ZNF385D: variants seen among roughly 807,000 people sequenced by gnomAD.
ZNF385D encodes zinc finger protein 385D.
In ZNF385D, 15 loss-of-function variants were observed where a neutral mutation model predicts 35.8. That is an observed-to-expected ratio of 0.42 (90% CI 0.28 to 0.64). The LOEUF is 0.64. Among genes scored for constraint, ZNF385D ranks in the 30% least tolerant of loss-of-function variants. The pLI is 0.23. For missense variants in ZNF385D, 474 were observed against 494.6 expected (o/e 0.96, Z 0.39); for synonymous variants, 212 against 186.8 (o/e 1.13, Z -1.10).
Position 21,416,731 on chromosome 3 carries a change from T to A in ZNF385D, c.*4483A>T, listed in dbSNP as rs576407606. 6.6e-6 allele frequency: 1 copy of A among 152,296 alleles called. No individual in the cohort carries two copies. Among genetic ancestry groups the A allele is most frequent in the South Asian group, 2.1e-4 (1 of 4,832 alleles). 9.4% of individuals were successfully genotyped at this position (152,296 alleles called of 1,614,324 possible). ...CAATGACAAGAGCGCATAACTGATA[T>A]ACTTGTCTGTGGAAGAGATGGTCTT... On this transcript the variant is annotated 3_prime_UTR_variant, in exon 8 of 8. Coordinates refer to ENST00000281523, the MANE Select transcript of ZNF385D (RefSeq NM_024697.3).
chr3:21,818,442 T>C (rs916722474), intron 3 of ZNF385D, among the ~76,000 whole-genome samples: 2 of 152,166 alleles, frequency 1.3e-5, no homozygotes, highest in Non-Finnish European at 2.9e-5. Context: ...TGTGGGGAAA[T>C]CTGAACACTA....
chr3:22,115,897 A>G lies in ZNF385D; in HGVS notation c.325+52920T>C, dbSNP rs548403626. ...ATCTTTGCAATTTTTGATCTTGTCA[A>G]TACTTTAAAGCGAGCTGATGCCTAT... is the stretch of plus-strand genomic sequence containing the variant. On this transcript the variant is annotated intron_variant, in intron 3 of 5. Transcript: ENST00000494108. 6.6e-4 allele frequency among the ~76,000 whole-genome samples: 101 copies of G among 152,176 alleles called. 2 individuals are homozygous for G. The South Asian group carries it at 0.02, about 30-fold the overall frequency.
At chr3:22,250,393 A>G (rs981090941) in intron 2 of ZNF385D, among the ~76,000 whole-genome samples, 7 of 152,058 alleles carry the variant, frequency 4.6e-5, no homozygotes, top group Admixed American at 3.9e-4. Context: ...ATTTCTGCTT[A>G]TCAACCTCCC....
chr3:22,139,502 A>T (rs1704360903), intron 3 of ZNF385D, among the ~76,000 whole-genome samples: 2 of 152,042 alleles, frequency 1.3e-5, no homozygotes, highest in South Asian at 4.1e-4. Context: ...ATTCTCAGCA[A>T]ACTATTGCAA....
At chr3:22,132,491 A>C (rs1016943950) in intron 3 of ZNF385D, among the ~76,000 whole-genome samples, 3 of 152,158 alleles carry the variant, frequency 2.0e-5, no homozygotes, top group Admixed American at 2.0e-4. Flanking sequence ...ATAAGGAGGG[A>C]ACTAAGAATA....
At chr3:21,603,101 A>G (rs2064364632) in intron 2 of ZNF385D, among the ~76,000 whole-genome samples, 1 of 152,236 alleles carries the variant, frequency 6.6e-6, no homozygotes, top group Admixed American at 6.5e-5. Flanking sequence ...ATTTACCAAA[A>G]TAAAATGAAA....
chr3:21,776,567 T>A (rs2071298569), intron 3 of ZNF385D, among the ~76,000 whole-genome samples: 1 of 151,984 alleles, frequency 6.6e-6, no homozygotes, highest in Non-Finnish European at 1.5e-5. Flanking sequence ...TGAATTTGTC[T>A]TCCTATCCCT....
intron 2 of ZNF385D, among the ~76,000 whole-genome samples, chr3:22,351,402 G>A (rs1037695756): frequency 6.6e-6 from 1 of 151,872 alleles, no homozygotes; most frequent in Non-Finnish European, 1.5e-5. Context: ...ACAAAGACAA[G>A]GGATACTAAG....
intron 1 of ZNF385D, among the ~76,000 whole-genome samples, chr3:21,671,403 G>A (rs566279783): frequency 6.6e-6 from 1 of 152,122 alleles, no homozygotes; most frequent in Non-Finnish European, 1.5e-5. Flanking sequence ...GGCCAGCCAG[G>A]GTGGGAGTAA....
intron 3 of ZNF385D, among the ~76,000 whole-genome samples, chr3:21,811,445 G>C (rs916894880): frequency 1.1e-4 from 16 of 152,098 alleles, no homozygotes; most frequent in African/African-American, 3.9e-4. Flanking sequence ...TACTTCCCAA[G>C]AGGGGACAAT....
rs552377034 is a variant in ZNF385D at position 22,193,666 on chromosome 3, G to A, written c.107-24631C>T. ...TGGATTAGTGTTCCATGAAACTTTA[G>A]GAATGAGTTCAATATTCTATTATAT... On this transcript the variant is annotated intron_variant, in intron 2 of 5. Coordinates refer to the ZNF385D transcript ENST00000494108. Among the ~76,000 whole-genome samples, 8 of 151,992 alleles carry A rather than the reference G, an allele frequency of 5.3e-5. No individual in the cohort carries two copies. In the East Asian group the frequency reaches 7.7e-4, roughly 15 times the overall value.
chr3:21,973,548 A>C (rs2125347224), intron 3 of ZNF385D, among the ~76,000 whole-genome samples: 1 of 152,180 alleles, frequency 6.6e-6, no homozygotes, highest in African/African-American at 2.4e-5. Context: ...TATTCAACAT[A>C]GTACTGGAAG....
At chr3:22,235,203 C>T (rs904332366) in intron 2 of ZNF385D, among the ~76,000 whole-genome samples, 4 of 152,068 alleles carry the variant, frequency 2.6e-5, no homozygotes, top group African/African-American at 9.7e-5. Flanking sequence ...GACCCAAAAT[C>T]TGTGCATTTC....
chr3:21,867,246 T>C (rs1177683252), intron 3 of ZNF385D, among the ~76,000 whole-genome samples: 2 of 152,160 alleles, frequency 1.3e-5, no homozygotes, highest in Admixed American at 6.6e-5. Flanking sequence ...AGAAGCCTCA[T>C]GACCTAATCA....
intron 3 of ZNF385D, among the ~76,000 whole-genome samples, chr3:21,757,949 A>G (rs952334348): frequency 9.9e-5 from 15 of 152,210 alleles, no homozygotes; most frequent in African/African-American, 2.9e-4. Flanking sequence ...AAAGTCTTCT[A>G]CCTCTGGATG....
chr3:22,013,042 T>G (rs907695095), intron 3 of ZNF385D, among the ~76,000 whole-genome samples: 2 of 152,038 alleles, frequency 1.3e-5, no homozygotes, highest in Non-Finnish European at 2.9e-5. Flanking sequence ...AACAAAAATT[T>G]AAGAAATGTA....
chr3:21,920,060 A>G (rs1373188690), intron 3 of ZNF385D, among the ~76,000 whole-genome samples: 1 of 152,210 alleles, frequency 6.6e-6, no homozygotes, highest in Non-Finnish European at 1.5e-5. Flanking sequence ...AAATCTAGCC[A>G]AAGTATATTT....
intron 3 of ZNF385D, among the ~76,000 whole-genome samples, chr3:22,092,215 T>G (rs775695072): frequency 6.6e-6 from 1 of 152,178 alleles, no homozygotes; most frequent in Non-Finnish European, 1.5e-5. Flanking sequence ...CTGTAAACAT[T>G]CCTTCTTTGC....
rs543806378 is a variant in ZNF385D, at chr3:21,468,940, T to C, written c.440-31737A>G. 2.3e-3 allele frequency among the ~76,000 whole-genome samples: 354 copies of C among 151,942 alleles called. 2 individuals are homozygous for C. The highest frequency in any genetic ancestry group is 1.9e-3 in the Non-Finnish European group (131 of 67,910). On this transcript the variant is annotated intron_variant, in intron 4 of 7. Coordinates refer to ENST00000281523, the MANE Select transcript of ZNF385D (RefSeq NM_024697.3). ...AAGACTCTGTCTAAAAAAAAAAGAA[T>C]ACATAGTATGATTCCATTTATATTA...
Sources: allele counts gnomAD v4.1 joint callset (sites outside exome capture counted in the v4.1 genomes callset), GRCh38; gene constraint gnomAD v4.1.1; transcripts MANE v1.5; gene names NCBI Gene and HGNC (gene_info 2026-07-23, HGNC 2026-07-21).